WDR70: variants seen among roughly 807,000 people sequenced by gnomAD.
The protein encoded by WDR70 is WD repeat domain 70.
WDR70 carries 53 observed loss-of-function variants against 88.6 expected under a neutral mutation model. The observed-to-expected ratio is 0.60, with a 90% CI of 0.48 to 0.75. The LOEUF is 0.75. WDR70 is among the 30% of genes least tolerant of loss of function. The pLI is 0.00. For missense variants in WDR70, 610 were observed against 823.2 expected (o/e 0.74, Z 3.17); for synonymous variants, 280 against 270.0 (o/e 1.04, Z -0.36).
At chr5:37,558,889 C>T (rs138158882) in intron 9 of WDR70, among the ~76,000 whole-genome samples, 1 of 151,822 alleles carries the variant, frequency 6.6e-6, no homozygotes, top group East Asian at 1.9e-4. Flanking sequence ...TTTTCTTACC[C>T]TGATACTTAC....
At chr5:37,457,534 A>G (rs1411723316) in intron 7 of WDR70, among the ~76,000 whole-genome samples, 1 of 152,240 alleles carries the variant, frequency 6.6e-6, no homozygotes, top group Non-Finnish European at 1.5e-5. Context: ...TTACAAATGC[A>G]TATACCCTCA....
intron 9 of WDR70, among the ~76,000 whole-genome samples, chr5:37,530,082 T>C (rs1741433819): frequency 6.6e-6 from 1 of 152,202 alleles, no homozygotes; most frequent in African/African-American, 2.4e-5. Context: ...CAGACGATCA[T>C]GTGATTTTTG....
chr5:37,699,676 A>G (rs555588758), intron 11 of WDR70, among the ~76,000 whole-genome samples: 59 of 152,188 alleles, frequency 3.9e-4, no homozygotes, highest in African/African-American at 1.4e-3. Flanking sequence ...GGCCAGGTGC[A>G]GTGGCCCACA....
intron 10 of WDR70, 133 bp from the exon 11 acceptor site, chr5:37,697,522 A>G: frequency 1.6e-6 from 1 of 644,506 alleles, no homozygotes. Context: ...GCAAATTATA[A>G]TCATGTGAAA....
intron 5 of WDR70, among the ~76,000 whole-genome samples, chr5:37,408,519 T>C (rs1429844651): frequency 1.3e-5 from 2 of 152,122 alleles, no homozygotes; most frequent in Non-Finnish European, 2.9e-5. Flanking sequence ...TAAAGAAGCC[T>C]CCTCATTTTG....
intron 13 of WDR70, among the ~76,000 whole-genome samples, chr5:37,708,435 G>T (rs1232902021): frequency 1.3e-5 from 2 of 151,680 alleles, no homozygotes; most frequent in Non-Finnish European, 2.9e-5. Flanking sequence ...ACATAACATT[G>T]TATATGTTAT....
At chr5:37,669,491 C>T (rs1262173297) in intron 10 of WDR70, among the ~76,000 whole-genome samples, 2 of 151,918 alleles carry the variant, frequency 1.3e-5, no homozygotes, top group Admixed American at 6.6e-5. Flanking sequence ...TGGCTCACTA[C>T]AGCCTCAAAC....
chr5:37,387,098 T>TA (rs34087509), intron 3 of WDR70, among the ~76,000 whole-genome samples: 38,468 of 140,060 alleles, frequency 0.27, 6,816 homozygotes, highest in African/African-American at 0.52. Flanking sequence ...AAACTCTGTC[T>TA]AAAAAAAAAA....
At chr5:37,405,888 A>G (rs977762140) in intron 5 of WDR70, among the ~76,000 whole-genome samples, 4 of 152,032 alleles carry the variant, frequency 2.6e-5, no homozygotes, top group Admixed American at 1.3e-4. Context: ...CTCCACAAAA[A>G]ATAAAAAAGC....
intron 10 of WDR70, among the ~76,000 whole-genome samples, chr5:37,635,717 A>G (rs997301718): frequency 3.3e-5 from 5 of 152,158 alleles, no homozygotes; most frequent in African/African-American, 9.7e-5. Context: ...AGTTACCCTG[A>G]TTGAGCTCAC....
chr5:37,509,438 A>C (rs998586742), intron 8 of WDR70, among the ~76,000 whole-genome samples: 3 of 149,612 alleles, frequency 2.0e-5, no homozygotes, highest in Admixed American at 2.0e-4. Flanking sequence ...ACATACTTTA[A>C]AAAAAAAAAA....
chr5:37,516,848 G>C (rs2112258546), intron 9 of WDR70, among the ~76,000 whole-genome samples: 1 of 150,660 alleles, frequency 6.6e-6, no homozygotes, highest in East Asian at 2.0e-4. Flanking sequence ...CAGCCTCCCA[G>C]GTAGCTGAGA....
At chr5:37,533,001 G>A (rs1422251594) in intron 9 of WDR70, among the ~76,000 whole-genome samples, 2 of 152,206 alleles carry the variant, frequency 1.3e-5, no homozygotes, top group Non-Finnish European at 2.9e-5. Flanking sequence ...GAGGCTCCCT[G>A]AGAGCCGAAC....
In WDR70 at chr5:37,697,690, C is replaced by G. The variant is rs1310572497; in HGVS notation, c.1128C>G (p.Asp376Glu). The stretch of plus-strand genomic sequence containing the variant: ...AGTTCCACTATAAACAGGCTCATGA[C>G]TCGGGCACAGACACTTCTTGCGTGA... Reference protein sequence around the residue: ...HPKFHYKQAHDSGTDTSCVTF... With the variant: ...HPKFHYKQAHESGTDTSCVTF... Residue 376 changes from aspartate to glutamate, a missense_variant, in exon 11 of 18, where the codon GAC (aspartate) becomes GAG (glutamate). Physicochemically the swap from Asp to Glu is conservative, Grantham distance 45. Around this residue, in one of 4 missense-constraint regions of WDR70, gnomAD observed 254 missense variants for 300.7 expected, o/e 0.84. Transcript: ENST00000265107. 6.2e-7 allele frequency: 1 copy of G among 1,613,812 alleles called. No homozygotes were observed. Among genetic ancestry groups the G allele is most frequent in the East Asian group, 2.2e-5 (1 of 44,850 alleles).
chr5:37,716,112 T>C (rs1271889806), intron 13 of WDR70, among the ~76,000 whole-genome samples: 1 of 152,224 alleles, frequency 6.6e-6, no homozygotes, highest in Non-Finnish European at 1.5e-5. Flanking sequence ...TCCATTCTTG[T>C]ACTATATGAC....
intron 9 of WDR70, among the ~76,000 whole-genome samples, chr5:37,600,876 A>G (rs556978113): frequency 6.6e-6 from 1 of 152,158 alleles, no homozygotes; most frequent in Non-Finnish European, 1.5e-5. Context: ...GTAACTGACA[A>G]CTTTCCTGAA....
At chr5:37,701,889 C>T (rs879851600) in intron 12 of WDR70, among the ~76,000 whole-genome samples, 1 of 151,732 alleles carries the variant, frequency 6.6e-6, no homozygotes, top group Non-Finnish European at 1.5e-5. Flanking sequence ...TTAAATCATT[C>T]AAATCAATAA....
chr5:37,522,709 G>A (rs375647633), intron 9 of WDR70, among the ~76,000 whole-genome samples: 16 of 152,166 alleles, frequency 1.1e-4, no homozygotes, highest in Non-Finnish European at 1.8e-4. Context: ...AGCACAAGGG[G>A]TCAGGGAATT....
At chr5:37,720,161 A>G (rs1403054726) in intron 13 of WDR70, among the ~76,000 whole-genome samples, 2 of 152,220 alleles carry the variant, frequency 1.3e-5, no homozygotes, top group African/African-American at 2.4e-5. Flanking sequence ...CACTAGAACT[A>G]TAAAATGCTA....
Sources: gnomAD v4.1 joint callset for allele counts (sites outside exome capture counted in the v4.1 genomes callset) on GRCh38, gnomAD v4.1.1 for gene constraint, gnomAD v4.1.1 regional missense constraint, MANE v1.5 for transcripts, NCBI Gene and HGNC (gene_info 2026-07-23, HGNC 2026-07-21) for gene names.